Variants in SPIRE1 observed in about 807,000 individuals in gnomAD.
SPIRE1 encodes spire type actin nucleation factor 1.
In SPIRE1, 40 loss-of-function variants were observed where a neutral mutation model predicts 94.1. The ratio of observed to expected loss-of-function variants is 0.43; its 90% CI spans 0.33 to 0.55. The LOEUF (loss-of-function observed/expected upper bound fraction) is 0.55, where lower values mean the gene tolerates loss of function less well. Among genes scored for constraint, SPIRE1 ranks in the 20% least tolerant of loss-of-function variants. SPIRE1 has a pLI of 0.06. For synonymous variants in SPIRE1, 376 were observed against 371.7 expected (o/e 1.01, Z -0.13); for missense variants, 838 against 975.2 (o/e 0.86, Z 1.87).
chr18:12,545,308 A>G (rs1301076801), intron 3 of SPIRE1, among the ~76,000 whole-genome samples: 3 of 152,220 alleles, frequency 2.0e-5, no homozygotes, highest in African/African-American at 7.2e-5. Flanking sequence ...ATCTTAAAAG[A>G]ACTAAAGAAT....
chr18:12,494,696 G>A (rs1282436443), intron 7 of SPIRE1, among the ~76,000 whole-genome samples: 3 of 151,222 alleles, frequency 2.0e-5, no homozygotes, highest in Non-Finnish European at 3.0e-5. Context: ...AAAATTAGCC[G>A]GGCATGGTGG....
intron 2 of SPIRE1, among the ~76,000 whole-genome samples, chr18:12,607,705 T>C (rs1175010348): frequency 6.6e-6 from 1 of 151,096 alleles, no homozygotes; most frequent in Non-Finnish European, 1.5e-5. Flanking sequence ...ATAGAAGCAA[T>C]CTAAAAGAAA....
chr18:12,524,419 T>C (rs932036323), intron 4 of SPIRE1, among the ~76,000 whole-genome samples: 10 of 152,194 alleles, frequency 6.6e-5, no homozygotes, highest in African/African-American at 2.4e-4. Flanking sequence ...TTTAAACATT[T>C]AGAAAATCAC....
At chr18:12,650,841 C>T (rs904234613) in intron 1 of SPIRE1, among the ~76,000 whole-genome samples, 7 of 145,198 alleles carry the variant, frequency 4.8e-5, no homozygotes, top group Middle Eastern at 3.7e-3. Context: ...CAAACCACTG[C>T]ACTACAGCCT....
chr18:12,657,538 G>A lies in SPIRE1; in HGVS notation c.329C>T (p.Pro110Leu), dbSNP rs2038585277. 1.6e-6 allele frequency: 2 copies of A among 1,233,546 alleles called. No homozygotes were observed. The highest frequency in any genetic ancestry group is 2.0e-6 in the Non-Finnish European group (2 of 988,514). The allele number at this position is 1,233,546 out of a possible 1,614,324, so 76.4% of individuals were successfully genotyped here. A position where few individuals can be genotyped will look rare whatever the true frequency, so the allele number is the denominator to read the frequency against. ...GGGCCCGGCGGCCTCACCCGCAACT[G>A]GGGGCGGCTCTCCCGCGTCGTCGGC... The part of the protein sequence containing the change: ...PAADDAGEPP[P>L]VAGKLGYSQC... Residue 110 changes from proline (P) to leucine (L), a missense_variant, in exon 1 of 17, where the codon CCA (proline) becomes CTA (leucine). Pro to Leu is a moderately conservative substitution (Grantham distance 98, BLOSUM62 -3). Around this residue, in one of 2 missense-constraint regions of SPIRE1, gnomAD observed 193 missense variants for 170.5 expected, o/e 1.13. Transcript: ENST00000409402.
chr18:12,636,771 T>C (rs1332662998), intron 1 of SPIRE1, among the ~76,000 whole-genome samples: 2 of 152,246 alleles, frequency 1.3e-5, no homozygotes, highest in African/African-American at 4.8e-5. Flanking sequence ...ATTTATTTAT[T>C]GTTACATAAA....
At chr18:12,477,973 G>A (rs1452080472) in intron 10 of SPIRE1, among the ~76,000 whole-genome samples, 1 of 152,128 alleles carries the variant, frequency 6.6e-6, no homozygotes, top group Non-Finnish European at 1.5e-5. Context: ...ACAAAGAGCG[G>A]TGAGTGCAAG....
chr18:12,543,108 G>A (rs937586214), intron 3 of SPIRE1, among the ~76,000 whole-genome samples: 85 of 152,282 alleles, frequency 5.6e-4, no homozygotes, highest in African/African-American at 1.8e-3. Context: ...GATTACAGGC[G>A]TGAGCCACCA....
chr18:12,596,484 A>T (rs982729634), intron 2 of SPIRE1, among the ~76,000 whole-genome samples: 3 of 152,150 alleles, frequency 2.0e-5, no homozygotes, highest in African/African-American at 7.2e-5. Flanking sequence ...TATACAGAAA[A>T]TTATGAAAAA....
At chr18:12,553,783 A>G (rs1379136110) in intron 2 of SPIRE1, among the ~76,000 whole-genome samples, 3 of 152,208 alleles carry the variant, frequency 2.0e-5, no homozygotes, top group African/African-American at 7.2e-5. Flanking sequence ...CTAAAGAACT[A>G]GAAAACTAGT....
chr18:12,453,236 C>G, intron 13 of SPIRE1, 98 bp from the exon 14 acceptor site: 2 of 738,654 alleles, frequency 2.7e-6, no homozygotes, highest in South Asian at 3.9e-5. Flanking sequence ...ATAGGGGAAG[C>G]TGAACAGACA....
At chr18:12,531,137 T>C (rs1391654991) in intron 4 of SPIRE1, among the ~76,000 whole-genome samples, 1 of 152,188 alleles carries the variant, frequency 6.6e-6, no homozygotes, top group Non-Finnish European at 1.5e-5. Flanking sequence ...TGGCTTCAAG[T>C]GATCCTCCTG....
chr18:12,449,457 G>A lies in SPIRE1; in HGVS notation c.*181C>T. ...AACGAGCAATTGGCGGACCTGTCAC[G>A]TTTCATCAATCGATACGAACACAGC... is the stretch of plus-strand genomic sequence containing the variant. On this transcript the variant is annotated 3_prime_UTR_variant, in exon 17 of 17. Coordinates refer to ENST00000409402, the MANE Select transcript of SPIRE1 (RefSeq NM_001128626.2). 7.6e-6 allele frequency: 5 copies of A among 658,642 alleles called. No homozygotes were observed. Among genetic ancestry groups the A allele is most frequent in the East Asian group, 2.8e-5 (1 of 36,128 alleles). 40.8% of individuals were successfully genotyped at this position (658,642 alleles called of 1,614,324 possible).
chr18:12,623,706 G>A (rs770993361), intron 2 of SPIRE1, among the ~76,000 whole-genome samples: 2 of 152,102 alleles, frequency 1.3e-5, no homozygotes, highest in Non-Finnish European at 2.9e-5. Flanking sequence ...TTGGCTCACT[G>A]CAACCTCCAC....
At chr18:12,464,785 G>T in intron 11 of SPIRE1, 83 bp downstream of exon 11, 2 of 1,089,740 alleles carry the variant, frequency 1.8e-6, no homozygotes, top group Non-Finnish European at 2.8e-6. Flanking sequence ...ATGATCACAG[G>T]GCGCTCTGGG....
chr18:12,543,508 C>G (rs2035068067), intron 3 of SPIRE1, among the ~76,000 whole-genome samples: 1 of 152,182 alleles, frequency 6.6e-6, no homozygotes. Context: ...TAACATTACT[C>G]TCCCCCTGAC....
chr18:12,492,617 G>A (rs111514577), intron 8 of SPIRE1, among the ~76,000 whole-genome samples: 53 of 152,006 alleles, frequency 3.5e-4, no homozygotes, highest in African/African-American at 1.1e-3. Flanking sequence ...AATATAATAC[G>A]TTATCTTTGT....
At position 12,497,247 on chromosome 18, in the gene SPIRE1, T is replaced by C. The variant is rs2033490937; in HGVS notation, c.973-1145A>G. Among the ~76,000 whole-genome samples the C allele has an allele frequency of 2.6e-5, 4 of 152,210 alleles. No individual in the cohort carries two copies. In the South Asian group the frequency reaches 8.3e-4, roughly 31 times the overall value. ...AGAGCTATTGTGGAGGACCAGTCTG[T>C]CTCTGATTCTACTCTAATGTCCTCT... On this transcript the variant is annotated intron_variant, in intron 6 of 16. Coordinates refer to ENST00000409402, the MANE Select transcript of SPIRE1 (RefSeq NM_001128626.2).
At chr18:12,602,739 G>C (rs1465029334) in intron 2 of SPIRE1, among the ~76,000 whole-genome samples, 1 of 152,164 alleles carries the variant, frequency 6.6e-6, no homozygotes, top group Non-Finnish European at 1.5e-5. Flanking sequence ...CTTTCCTACT[G>C]TGAAACAAGG....
Sources: allele counts gnomAD v4.1 joint callset (sites outside exome capture counted in the v4.1 genomes callset), GRCh38; gene constraint gnomAD v4.1.1; regional missense constraint gnomAD v4.1.1; transcripts MANE v1.5; gene names NCBI Gene and HGNC (gene_info 2026-07-23, HGNC 2026-07-21).